Variants in CCT7 observed in about 807,000 individuals in gnomAD.
CCT7 encodes the protein chaperonin containing TCP1 subunit 7.
In CCT7, 16 loss-of-function variants were observed where a neutral mutation model predicts 56.6. The ratio of observed to expected loss-of-function variants is 0.28; its 90% confidence interval spans 0.19 to 0.43. CCT7 has a LOEUF of 0.43. Among genes scored for constraint, CCT7 ranks in the 20% least tolerant of loss-of-function variants. The pLI is 1.00. For missense variants in CCT7, 519 were observed against 685.6 expected (o/e 0.76, Z 2.71); for synonymous variants, 262 against 254.8 (o/e 1.03, Z -0.27).
intron 9 of CCT7, among the ~76,000 whole-genome samples, 159 bp downstream of exon 9, chr2:73,250,075 T>C (rs1210668932): frequency 6.6e-6 from 1 of 152,242 alleles, no homozygotes; most frequent in Non-Finnish European, 1.5e-5. Flanking sequence ...AGAGCTCAGA[T>C]AATATACAGG....
intron 5 of CCT7, chr2:73,244,271 C>A: frequency 1.6e-6 from 1 of 618,060 alleles, no homozygotes; most frequent in South Asian, 2.1e-5. Flanking sequence ...CTCTATGTGC[C>A]TGGGGCTGTT....
At chr2:73,248,063 T>TC in intron 7 of CCT7, 137 bp downstream of exon 7, 1 of 742,990 alleles carries the variant, frequency 1.3e-6, no homozygotes, top group Non-Finnish European at 2.2e-6. Flanking sequence ...TAGGCCCCCT[T>TC]CTTTCCATAC....
chr2:73,247,536 C>G (rs1234601029), intron 6 of CCT7, among the ~76,000 whole-genome samples: 1 of 151,312 alleles, frequency 6.6e-6, no homozygotes, highest in East Asian at 1.9e-4. Flanking sequence ...AGATGATTTT[C>G]CTTATGCTTA....
chr2:73,235,855 C>T (rs994588895), intron 1 of CCT7, among the ~76,000 whole-genome samples: 8 of 152,196 alleles, frequency 5.3e-5, no homozygotes, highest in African/African-American at 1.9e-4. Flanking sequence ...TTCACATTCA[C>T]ACAGCTAGGG....
At chr2:73,237,274 T>A (rs1396079695) in intron 1 of CCT7, among the ~76,000 whole-genome samples, 4 of 152,166 alleles carry the variant, frequency 2.6e-5, no homozygotes, top group Non-Finnish European at 5.9e-5. Context: ...GTGGTTTTGG[T>A]AGAAGATGGC....
chr2:73,235,220 T>G (rs1574350085), intron 1 of CCT7, among the ~76,000 whole-genome samples: 1 of 152,298 alleles, frequency 6.6e-6, no homozygotes, highest in Non-Finnish European at 1.5e-5. Flanking sequence ...CACACTTCTT[T>G]TCTCTGTCTC....
In CCT7 at chr2:73,252,771, G is replaced by A. The variant is rs750703268; in HGVS notation, c.1542G>A (p.Val514=). The change falls in exon 12 of 12, where the codon GTG becomes GTA. Residue 514 remains valine, a synonymous_variant. Coordinates refer to ENST00000258091, the MANE Select transcript of CCT7 (RefSeq NM_006429.4). ...CCTCTGAGGCTGCGTGCCTGATCGTGTCTGTAGATGAAACCATCAAGAACC... is the reference window on the plus strand; with the variant it reads ...CCTCTGAGGCTGCGTGCCTGATCGTATCTGTAGATGAAACCATCAAGAACC... ...TAASEAACLI[V]SVDETIKNPR... The A allele has an allele frequency of 2.5e-6, 4 of 1,614,162 alleles. No homozygotes were observed. Among genetic ancestry groups the A allele is most frequent in the Non-Finnish European group, 3.4e-6 (4 of 1,180,030 alleles).
chr2:73,249,607 T>G (rs1687485274), intron 8 of CCT7, among the ~76,000 whole-genome samples: 1 of 152,150 alleles, frequency 6.6e-6, no homozygotes, highest in South Asian at 2.1e-4. Context: ...TCCTTTTAAC[T>G]TCTTCTGTTT....
At chr2:73,240,571 G>A (rs1687062991) in intron 3 of CCT7, 28 bp downstream of exon 3, 6 of 1,451,806 alleles carry the variant, frequency 4.1e-6, no homozygotes, top group Non-Finnish European at 5.7e-6. Context: ...TGTTTAAATG[G>A]AGGTTGAAAC....
At chr2:73,238,994 A>C (rs776442903) in intron 1 of CCT7, 4 of 152,270 alleles carry the variant, frequency 2.6e-5, no homozygotes, top group Non-Finnish European at 4.4e-5. Flanking sequence ...AATTAGTCAC[A>C]CAGAAGCTTT....
chr2:73,243,176 A>G lies in CCT7; in HGVS notation c.393+47A>G, dbSNP rs760523400. On this transcript the variant is annotated intron_variant, in intron 4 of 11. Coordinates refer to ENST00000258091, the MANE Select transcript of CCT7 (RefSeq NM_006429.4). ...TTCTCTTGGGCCTGGACACCTTCAC[A>G]TTTCTCTTAGGAAGGGGAATTTCTT... 1.9e-5 allele frequency: 30 copies of G among 1,593,944 alleles called. 1 individual carries two copies. In the South Asian group the frequency reaches 3.2e-4, roughly 17 times the overall value.
intron 8 of CCT7, 150 bp from the exon 9 acceptor site, chr2:73,249,668 AG>A: frequency 3.1e-6 from 2 of 642,340 alleles, no homozygotes. Context: ...TCTTTCAGAG[AG>A]GGGGAAGGGT....
intron 6 of CCT7, 136 bp from the exon 7 acceptor site, chr2:73,247,626 C>A: frequency 6.5e-6 from 4 of 614,634 alleles, no homozygotes; most frequent in South Asian, 2.4e-5. Context: ...AACAGAAAGG[C>A]TGTGTTACAG....
chr2:73,251,120 G>A, intron 10 of CCT7, 106 bp from the exon 11 acceptor site: 1 of 1,001,088 alleles, frequency 1.0e-6, no homozygotes, highest in Non-Finnish European at 1.6e-6. Flanking sequence ...ATGGAGGAAG[G>A]AATGAAGAAC....
intron 3 of CCT7, 113 bp from the exon 4 acceptor site, chr2:73,242,891 G>A: frequency 7.7e-7 from 1 of 1,296,366 alleles, no homozygotes; most frequent in Non-Finnish European, 1.1e-6. Flanking sequence ...AAAAAAGCTT[G>A]ACATCCATTT....
intron 9 of CCT7, 134 bp from the exon 10 acceptor site, chr2:73,250,172 A>G (rs1207517182): frequency 1.9e-6 from 2 of 1,079,916 alleles, no homozygotes; most frequent in African/African-American, 3.2e-5. Context: ...AATGTCTATA[A>G]GGTTGGGATT....
chr2:73,234,334 T>C lies in CCT7; in HGVS notation c.-45T>C. The stretch of plus-strand genomic sequence containing the variant: ...TTGTGGGTTGCTGGGCGGCCCGGTC[T>C]CGGAGAAGAGGGGAGAGTGGCGGGC... On this transcript the variant is annotated 5_prime_UTR_variant, in exon 1 of 12. Transcript: ENST00000258091. The C allele has an allele frequency of 6.2e-7, 1 of 1,613,522 alleles. No individual in the cohort carries two copies. The highest frequency in any genetic ancestry group is 8.5e-7 in the Non-Finnish European group (1 of 1,179,632).
rs1462372129 is a variant in CCT7, at chr2:73,234,312, T to G, written c.-67T>G. ...GGTATTTCTATTGCGCGAGGCATTG[T>G]GGGTTGCTGGGCGGCCCGGTCTCGG... On this transcript the variant is annotated 5_prime_UTR_variant, in exon 1 of 12. Transcript: ENST00000258091. 14 of 1,597,644 alleles carry G rather than the reference T, an allele frequency of 8.8e-6. No individual in the cohort carries two copies. Among genetic ancestry groups the G allele is most frequent in the Middle Eastern group, 1.7e-4 (1 of 6,048 alleles).
At position 73,236,300 on chromosome 2, in the gene CCT7, T is replaced by C. The variant is rs1686880981; in HGVS notation, c.6+1916T>C. Among the ~76,000 whole-genome samples the C allele has an allele frequency of 2.0e-5, 3 of 152,296 alleles. No individual in the cohort carries two copies. In the South Asian group the frequency reaches 6.2e-4, roughly 32 times the overall value. On this transcript the variant is annotated intron_variant, in intron 1 of 11. Coordinates refer to ENST00000258091, the MANE Select transcript of CCT7 (RefSeq NM_006429.4). ...TAAGCTGAAATTCCAAAACCTTCCA[T>C]TATACCTGTGGCCAATTACTGGAGT...
Sources: allele counts gnomAD v4.1 joint callset (sites outside exome capture counted in the v4.1 genomes callset), GRCh38; gene constraint gnomAD v4.1.1; transcripts MANE v1.5; gene names NCBI Gene and HGNC (gene_info 2026-07-23, HGNC 2026-07-21).